The following LIPA variants were observed in gnomAD, a reference collection of about 807,000 sequenced individuals.
LIPA encodes the protein lipase A, lysosomal acid type, also known as lysosomal acid lipase/cholesteryl ester hydrolase.
LIPA carries 26 observed loss-of-function variants against 40.6 expected under a neutral mutation model. The observed-to-expected ratio is 0.64, with a 90% confidence interval of 0.47 to 0.89. LIPA has a LOEUF of 0.89. Ranked by LOEUF, LIPA falls within the 40% of genes least tolerant of loss-of-function variation. The pLI is 0.00. For missense variants in LIPA, 455 were observed against 479.6 expected (o/e 0.95, Z 0.48); for synonymous variants, 188 against 168.4 (o/e 1.12, Z -0.90).
intron 8 of LIPA, among the ~76,000 whole-genome samples, chr10:89,221,503 A>G (rs1011562704): frequency 6.6e-6 from 1 of 152,196 alleles, no homozygotes; most frequent in Admixed American, 6.5e-5. Context: ...TAATGCAATG[A>G]TTTATTAAAT....
At chr10:89,247,465 G>A (rs535365331) in intron 2 of LIPA, 73 bp downstream of exon 2, 2 of 818,752 alleles carry the variant, frequency 2.4e-6, no homozygotes, top group Non-Finnish European at 4.2e-6. Flanking sequence ...TATGGGTATG[G>A]CTTCATGTAG....
chr10:89,243,888 G>A (rs942381101), intron 3 of LIPA, among the ~76,000 whole-genome samples: 2 of 152,046 alleles, frequency 1.3e-5, no homozygotes, highest in Admixed American at 1.3e-4. Flanking sequence ...AGTGATTCAC[G>A]TTACTAATTA....
chr10:89,403,147 T>C (rs1436570388), intron 2 of LIPA: 6 of 1,613,942 alleles, frequency 3.7e-6, no homozygotes. Flanking sequence ...CATCACCAGA[T>C]AGGGCTTTGC....
intron 2 of LIPA, among the ~76,000 whole-genome samples, chr10:89,371,911 G>A (rs1334729964): frequency 2.0e-5 from 3 of 152,154 alleles, no homozygotes; most frequent in Admixed American, 1.3e-4. Context: ...CAGCAACATG[G>A]ATGGAGCTGG....
chr10:89,225,695 C>G (rs1842759825), intron 5 of LIPA, among the ~76,000 whole-genome samples: 1 of 152,078 alleles, frequency 6.6e-6, no homozygotes, highest in South Asian at 2.1e-4. Context: ...TATTTTAACC[C>G]TTGATATGGT....
At chr10:89,329,598 G>A (rs1455655301) in intron 1 of LIPA, among the ~76,000 whole-genome samples, 1 of 152,102 alleles carries the variant, frequency 6.6e-6, no homozygotes, top group Non-Finnish European at 1.5e-5. Flanking sequence ...AAAATCACCT[G>A]GAGAACTCAC....
At chr10:89,240,608 C>A (rs969296854) in intron 3 of LIPA, among the ~76,000 whole-genome samples, 9 of 152,086 alleles carry the variant, frequency 5.9e-5, no homozygotes, top group Non-Finnish European at 1.0e-4. Context: ...TTGAATAAGT[C>A]AAAACTTCAA....
chr10:89,413,206 T>G (rs553272268), intron 1 of LIPA, among the ~76,000 whole-genome samples: 3 of 152,382 alleles, frequency 2.0e-5, no homozygotes, highest in African/African-American at 7.2e-5. Context: ...AAAAGCAGAT[T>G]CGTATACCTA....
chr10:89,339,335 A>G (rs1843808727), intron 1 of LIPA: 1 of 1,613,658 alleles, frequency 6.2e-7, no homozygotes, highest in African/African-American at 1.3e-5. Flanking sequence ...GCTGAAGGAG[A>G]GCAGTTTGTT....
intron 2 of LIPA, among the ~76,000 whole-genome samples, chr10:89,369,788 G>A (rs1487403999): frequency 6.6e-6 from 1 of 152,148 alleles, no homozygotes; most frequent in East Asian, 1.9e-4. Flanking sequence ...TTTTTAAAAA[G>A]GAGATTCATC....
intron 3 of LIPA, among the ~76,000 whole-genome samples, chr10:89,241,135 G>A (rs552258793): frequency 2.0e-5 from 3 of 152,298 alleles, no homozygotes; most frequent in African/African-American, 4.8e-5. Flanking sequence ...ACAGAGGACA[G>A]GTCAGAGCGG....
At chr10:89,347,514 A>G (rs1589617995), upstream of LIPA, among the ~76,000 whole-genome samples, 8 of 152,372 alleles carry the variant, frequency 5.3e-5, no homozygotes, top group Middle Eastern at 6.8e-3. Flanking sequence ...CTTTCTAAAG[A>G]TAACAGTTTC....
chr10:89,243,635 C>A (rs1392219686), intron 3 of LIPA, among the ~76,000 whole-genome samples: 2 of 151,964 alleles, frequency 1.3e-5, no homozygotes, highest in Non-Finnish European at 1.5e-5. Flanking sequence ...AAGTCAGGGG[C>A]AAACCCAGGT....
intron 1 of LIPA, among the ~76,000 whole-genome samples, chr10:89,287,631 C>A (rs1355443125): frequency 6.6e-6 from 1 of 152,104 alleles, no homozygotes; most frequent in East Asian, 1.9e-4. Flanking sequence ...CGATCATGCA[C>A]CCCTTACCAT....
upstream of LIPA, among the ~76,000 whole-genome samples, chr10:89,252,546 G>A (rs994643455): frequency 2.0e-5 from 3 of 152,302 alleles, no homozygotes; most frequent in East Asian, 1.9e-4. Flanking sequence ...AGTGGCTCAC[G>A]CCTGTAATCC....
At position 89,225,218 on chromosome 10, in the gene LIPA, T is replaced by C. The variant is rs746094174; in HGVS notation, c.549A>G (p.Ala183=). ...HSQGTTIGFI[A]FSQIPELAKR... The stretch of plus-strand genomic sequence containing the variant: ...TAGCCAGCTCAGGGATCTGTGAAAA[T>C]GCTATAAAACCTGTGAGAACAAAGG... The change falls in exon 6 of 10, where the codon GCA becomes GCG. Residue 183 remains alanine, a synonymous_variant. Coordinates refer to ENST00000336233, the MANE Select transcript of LIPA (RefSeq NM_000235.4). 6.2e-7 allele frequency: 1 copy of C among 1,614,066 alleles called. No individual in the cohort carries two copies. Among genetic ancestry groups the C allele is most frequent in the Non-Finnish European group, 8.5e-7 (1 of 1,179,994 alleles).
chr10:89,373,899 G>A lies in LIPA; in HGVS notation c.61+38892C>T, dbSNP rs577464104. Among the ~76,000 whole-genome samples, 4 of 152,256 alleles carry A rather than the reference G, an allele frequency of 2.6e-5. 1 individual carries two copies. In the East Asian group the frequency reaches 7.7e-4, roughly 29 times the overall value. On this transcript the variant is annotated intron_variant, in intron 2 of 8. Coordinates refer to the LIPA transcript ENST00000371837. ...ACTGTAACAGACCATATCCTGAGTA[G>A]CAAAAATCTAGTCTAGTGGTTTTAA...
chr10:89,347,275 T>C (rs2133584210), upstream of LIPA, among the ~76,000 whole-genome samples: 1 of 152,338 alleles, frequency 6.6e-6, no homozygotes, highest in South Asian at 2.1e-4. Flanking sequence ...TGAAGCCAGT[T>C]AGACTGTGTG....
intron 1 of LIPA, among the ~76,000 whole-genome samples, chr10:89,330,164 C>A (rs1274627856): frequency 1.3e-5 from 2 of 152,190 alleles, no homozygotes; most frequent in African/African-American, 2.4e-5. Flanking sequence ...TTAGCTTGGG[C>A]TCAGAGGCCT....
Sources: gnomAD v4.1 joint callset for allele counts (sites outside exome capture counted in the v4.1 genomes callset) on GRCh38, gnomAD v4.1.1 for gene constraint, MANE v1.5 for transcripts, NCBI Gene and HGNC (gene_info 2026-07-23, HGNC 2026-07-21) for gene names.